Variants in NTNG1 observed in about 807,000 individuals in gnomAD.
The protein encoded by NTNG1 is netrin G1.
NTNG1 carries 16 observed loss-of-function variants against 54.0 expected under a neutral mutation model. That is an observed-to-expected ratio of 0.30 (90% CI 0.20 to 0.45). The LOEUF (loss-of-function observed/expected upper bound fraction) is 0.45, where lower values mean the gene tolerates loss of function less well. NTNG1 is among the 20% of genes least tolerant of loss of function. The probability of loss-of-function intolerance (pLI) is 1.00; values close to 1 mark genes in which losing one functional copy is unlikely to be tolerated. For missense variants in NTNG1, 530 were observed against 678.7 expected, an observed-to-expected ratio of 0.78 and a Z score of 2.43; for synonymous variants, 255 against 263.1, an observed-to-expected ratio of 0.97 and a Z score of 0.30.
At chr1:107,281,695 A>T (rs1169873683) in intron 2 of NTNG1, among the ~76,000 whole-genome samples, 1 of 151,750 alleles carries the variant, frequency 6.6e-6, no homozygotes, top group Non-Finnish European at 1.5e-5. Flanking sequence ...ATATATATAC[A>T]CACACACACA....
chr1:107,468,860 G>T (rs1677774649), intron 7 of NTNG1, among the ~76,000 whole-genome samples: 1 of 152,154 alleles, frequency 6.6e-6, no homozygotes, highest in Non-Finnish European at 1.5e-5. Flanking sequence ...CACTTTGGGA[G>T]GCCAAGGTGG....
rs150670638 is a variant in NTNG1, at chr1:107,220,153, G to A, written c.246+71314G>A. ...TGTCACACAGGTTGCCAGGGAAGAG[G>A]AGGAAGGCCAGCAGCCACAGGCCTC... On this transcript the variant is annotated intron_variant, in intron 2 of 7. Coordinates refer to ENST00000370068, the MANE Select transcript of NTNG1 (RefSeq NM_001113226.3). 4.9e-3 allele frequency among the ~76,000 whole-genome samples: 748 copies of A among 152,284 alleles called. 9 individuals carry two copies. The highest frequency in any genetic ancestry group is 0.031 in the South Asian group (149 of 4,824).
intron 2 of NTNG1, among the ~76,000 whole-genome samples, chr1:107,151,517 A>G (rs1204648260): frequency 1.3e-5 from 2 of 152,148 alleles, no homozygotes; most frequent in Non-Finnish European, 2.9e-5. Flanking sequence ...CTTAGCCCCT[A>G]TATGTAAATG....
chr1:107,305,128 G>A (rs1367871161), intron 2 of NTNG1, among the ~76,000 whole-genome samples: 1 of 152,060 alleles, frequency 6.6e-6, no homozygotes, highest in Non-Finnish European at 1.5e-5. Flanking sequence ...TCTTTATCCA[G>A]TCTATCATTG....
intron 7 of NTNG1, among the ~76,000 whole-genome samples, chr1:107,445,253 A>G (rs1371421400): frequency 6.6e-6 from 1 of 152,086 alleles, no homozygotes; most frequent in Non-Finnish European, 1.5e-5. Context: ...CCACCTCTCC[A>G]AAGAATGTTT....
intron 4 of NTNG1, among the ~76,000 whole-genome samples, chr1:107,401,566 G>T (rs1382088579): frequency 6.6e-6 from 1 of 152,052 alleles, no homozygotes; most frequent in Non-Finnish European, 1.5e-5. Flanking sequence ...CAGCAACTGG[G>T]ATGAAGTAAG....
At chr1:107,343,055 A>T (rs1668996195) in intron 3 of NTNG1, among the ~76,000 whole-genome samples, 1 of 152,118 alleles carries the variant, frequency 6.6e-6, no homozygotes, top group Non-Finnish European at 1.5e-5. Context: ...TCTTCAAAAG[A>T]TCATCAGTGC....
chr1:107,309,903 G>A (rs1666904268), intron 2 of NTNG1, among the ~76,000 whole-genome samples: 1 of 152,096 alleles, frequency 6.6e-6, no homozygotes, highest in African/African-American at 2.4e-5. Flanking sequence ...TATTAGGTTT[G>A]TTTTACATCC....
intron 2 of NTNG1, among the ~76,000 whole-genome samples, chr1:107,222,327 G>A (rs1366666299): frequency 6.6e-6 from 1 of 152,044 alleles, no homozygotes; most frequent in African/African-American, 2.4e-5. Context: ...TGAGAGATAT[G>A]TATAAACCTA....
chr1:107,438,300 A>C (rs910410929), intron 7 of NTNG1, among the ~76,000 whole-genome samples: 1 of 152,178 alleles, frequency 6.6e-6, no homozygotes, highest in South Asian at 2.1e-4. Flanking sequence ...GGAGAGGAAC[A>C]CTGAAAGACA....
chr1:107,382,876 A>G (rs1265828348), intron 3 of NTNG1, among the ~76,000 whole-genome samples: 3 of 151,910 alleles, frequency 2.0e-5, no homozygotes, highest in Non-Finnish European at 4.4e-5. Flanking sequence ...AAAAAAAAAA[A>G]GAGCTTTGCT....
chr1:107,375,985 C>A (rs1486196236), intron 3 of NTNG1, among the ~76,000 whole-genome samples: 2 of 152,190 alleles, frequency 1.3e-5, no homozygotes, highest in African/African-American at 4.8e-5. Context: ...TAATCAGTTG[C>A]TTCTAGCTCA....
chr1:107,187,972 A>C (rs1657589070), intron 2 of NTNG1, among the ~76,000 whole-genome samples: 2 of 152,142 alleles, frequency 1.3e-5, no homozygotes, highest in South Asian at 4.1e-4. Flanking sequence ...AATGTTTGTT[A>C]GATGTTTTAT....
rs373666104 is a variant in NTNG1, at chr1:107,193,356, G to C, written c.246+44517G>C. 2.0e-4 allele frequency among the ~76,000 whole-genome samples: 31 copies of C among 152,090 alleles called. No individual in the cohort carries two copies. In the South Asian group the frequency reaches 3.5e-3, roughly 17 times the overall value. ...GTTCTCCAAGCCTGGATTCTCATCT[G>C]CCAACTGAACACTTCCACATCTCAG... On this transcript the variant is annotated intron_variant, in intron 2 of 7. Coordinates refer to ENST00000370068, the MANE Select transcript of NTNG1 (RefSeq NM_001113226.3).
At chr1:107,466,860 T>C (rs999291665) in intron 7 of NTNG1, among the ~76,000 whole-genome samples, 1 of 152,208 alleles carries the variant, frequency 6.6e-6, no homozygotes, top group African/African-American at 2.4e-5. Flanking sequence ...ACAACAGCCT[T>C]GCTCTTCTTC....
In NTNG1 at chr1:107,198,294, A is replaced by G. The variant is rs79151172; in HGVS notation, c.246+49455A>G. Among the ~76,000 whole-genome samples, 681 of 152,096 alleles carry G rather than the reference A, an allele frequency of 4.5e-3. 2 individuals are homozygous for G. Among genetic ancestry groups the G allele is most frequent in the Non-Finnish European group, 7.3e-3 (493 of 67,940 alleles). On this transcript the variant is annotated intron_variant, in intron 2 of 7. Transcript: ENST00000370068. ...TCAAAATTATATTGTGGAAGGAGAC[A>G]GGATTAAGTAGGGAATGGATCAAAC...
intron 2 of NTNG1, among the ~76,000 whole-genome samples, chr1:107,221,222 A>G (rs895577504): frequency 6.6e-6 from 1 of 152,120 alleles, no homozygotes; most frequent in Non-Finnish European, 1.5e-5. Context: ...CCTAATGAGA[A>G]TATCTCAATA....
chr1:107,405,842 C>A (rs1232874305), intron 4 of NTNG1, among the ~76,000 whole-genome samples: 1 of 151,998 alleles, frequency 6.6e-6, no homozygotes, highest in African/African-American at 2.4e-5. Context: ...ATGCTGCCAT[C>A]ATATCTCACT....
intron 2 of NTNG1, among the ~76,000 whole-genome samples, chr1:107,176,909 G>A (rs1407048826): frequency 6.6e-6 from 1 of 152,048 alleles, no homozygotes; most frequent in Non-Finnish European, 1.5e-5. Context: ...GTTATAGGTG[G>A]CTATCCTGTA....
Sources: allele counts gnomAD v4.1 joint callset (sites outside exome capture counted in the v4.1 genomes callset), GRCh38; gene constraint gnomAD v4.1.1; transcripts MANE v1.5; gene names NCBI Gene and HGNC (gene_info 2026-07-23, HGNC 2026-07-21).